The following ADAMTS17 variants were observed in gnomAD, a reference collection of about 807,000 sequenced individuals.
The protein encoded by ADAMTS17 is A disintegrin and metalloproteinase with thrombospondin motifs 17.
ADAMTS17 carries 113 observed loss-of-function variants against 141.5 expected under a neutral mutation model. That is an observed-to-expected ratio of 0.80 (90% CI 0.69 to 0.93). ADAMTS17 has a LOEUF of 0.93. Among genes scored for constraint, ADAMTS17 ranks in the 40% least tolerant of loss-of-function variants. ADAMTS17 has a pLI of 0.00. For synonymous variants in ADAMTS17, 768 were observed against 630.6 expected (o/e 1.22, Z -3.27); for missense variants, 1,659 against 1,517.9 (o/e 1.09, Z -1.54).
intron 16 of ADAMTS17, among the ~76,000 whole-genome samples, chr15:100,052,872 G>T (rs1179395400): frequency 6.6e-6 from 1 of 152,218 alleles, no homozygotes; most frequent in African/African-American, 2.4e-5. Flanking sequence ...CCTTACCTTT[G>T]TCTCCCCAGA....
chr15:100,274,254 C>T (rs942638588), intron 4 of ADAMTS17, among the ~76,000 whole-genome samples: 1 of 152,172 alleles, frequency 6.6e-6, no homozygotes, highest in Non-Finnish European at 1.5e-5. Flanking sequence ...GTTCTATCTA[C>T]TAATGAGAGT....
At chr15:100,293,896 G>C (rs2044723983) in intron 3 of ADAMTS17, among the ~76,000 whole-genome samples, 1 of 152,192 alleles carries the variant, frequency 6.6e-6, no homozygotes, top group Admixed American at 6.5e-5. Context: ...TAAATGTCCT[G>C]AAATGAAATA....
chr15:99,985,824 C>A (rs921216572), intron 20 of ADAMTS17, among the ~76,000 whole-genome samples: 1 of 152,182 alleles, frequency 6.6e-6, no homozygotes, highest in Admixed American at 6.5e-5. Context: ...AATTCTAAAG[C>A]AACGGCAAAT....
At chr15:100,160,947 TAGTTTA>T (rs974804455) in intron 8 of ADAMTS17, among the ~76,000 whole-genome samples, 6 of 152,354 alleles carry the variant, frequency 3.9e-5, no homozygotes, top group South Asian at 2.1e-4. Context: ...AAACTCATAT[TAGTTTA>T]AGTTTATGTC....
chr15:100,297,868 G>T (rs530604748), intron 3 of ADAMTS17, among the ~76,000 whole-genome samples: 1 of 152,268 alleles, frequency 6.6e-6, no homozygotes, highest in East Asian at 1.9e-4. Flanking sequence ...TAACACTACA[G>T]AGACAGAGAC....
intron 7 of ADAMTS17, among the ~76,000 whole-genome samples, chr15:100,221,090 T>C (rs562534952): frequency 1.3e-5 from 2 of 152,318 alleles, no homozygotes; most frequent in East Asian, 3.9e-4. Context: ...ACTGGGAACA[T>C]GCTTCCTGAT....
chr15:100,091,035 C>G (rs1323160249), intron 15 of ADAMTS17, among the ~76,000 whole-genome samples: 1 of 118,444 alleles, frequency 8.4e-6, no homozygotes, highest in East Asian at 3.9e-4. Flanking sequence ...AAAAGGGTAA[C>G]CAATGAAAAA....
chr15:100,165,877 T>TC (rs2039932228), intron 8 of ADAMTS17, among the ~76,000 whole-genome samples: 1 of 152,142 alleles, frequency 6.6e-6, no homozygotes, highest in Non-Finnish European at 1.5e-5. Flanking sequence ...CAATTCTTTT[T>TC]CCTTTCTCTC....
chr15:100,253,772 T>A (rs1366835591), intron 7 of ADAMTS17, among the ~76,000 whole-genome samples: 1 of 152,054 alleles, frequency 6.6e-6, no homozygotes, highest in East Asian at 1.9e-4. Flanking sequence ...ACTGCTAAGC[T>A]TTCATCTCAT....
chr15:100,078,355 G>A (rs11852259), intron 15 of ADAMTS17, among the ~76,000 whole-genome samples: 23,775 of 152,032 alleles, frequency 0.16, 3,601 homozygotes, highest in African/African-American at 0.4. Context: ...CTAGCTATCT[G>A]TAGCAATCAA....
chr15:100,185,754 C>G (rs1046866136), intron 8 of ADAMTS17, among the ~76,000 whole-genome samples: 3 of 152,212 alleles, frequency 2.0e-5, no homozygotes, highest in Non-Finnish European at 4.4e-5. Context: ...CACATAAAGA[C>G]ACTCAGTCCT....
rs757978096 is a variant in ADAMTS17, at chr15:99,997,507, G to C, written c.2674C>G (p.Leu892Val). 6.2e-7 allele frequency: 1 copy of C among 1,613,692 alleles called. No homozygotes were observed. Among genetic ancestry groups the C allele is most frequent in the Non-Finnish European group, 8.5e-7 (1 of 1,180,020 alleles). The change falls in exon 19 of 22, where the codon CTG (leucine) becomes GTG (valine). Residue 892 changes from leucine to valine, a missense_variant. By Grantham distance (32) the Leu-to-Val change is conservative. Coordinates refer to ENST00000268070, the MANE Select transcript of ADAMTS17 (RefSeq NM_139057.4). This position sits in a 1 kb window ranked among gnomAD's most constrained non-coding sequence, Gnocchi z 4.7. ...GTAGCGACGTGTGTGCCGTTCTGCA[G>C]CTGGTACACGCAGGTCACCTCCCGG... Reference protein sequence around the residue: ...QHREVTCVYQLQNGTHVATRP... With the variant: ...QHREVTCVYQVQNGTHVATRP...
intron 2 of ADAMTS17, among the ~76,000 whole-genome samples, chr15:100,332,345 T>C (rs1438726058): frequency 2.0e-5 from 3 of 152,250 alleles, no homozygotes; most frequent in Non-Finnish European, 4.4e-5. Flanking sequence ...CTGTGCGCGA[T>C]GCGGCCTCGG....
intron 9 of ADAMTS17, among the ~76,000 whole-genome samples, chr15:100,153,002 G>A (rs1174448397): frequency 7.0e-5 from 2 of 28,612 alleles, no homozygotes; most frequent in South Asian, 1.3e-3. Context: ...AGACTCGGGA[G>A]GGGCATAGGA....
Position 100,234,939 on chromosome 15 carries a change from CAA to C in ADAMTS17, c.1075+19195_1075+19196del, listed in dbSNP as rs754963354. Among the ~76,000 whole-genome samples, 4 of 152,248 alleles carry C rather than the reference CAA, an allele frequency of 2.6e-5. No homozygotes were observed. In the South Asian group the frequency reaches 8.3e-4, roughly 32 times the overall value. On this transcript the variant is annotated intron_variant, in intron 7 of 21. Coordinates refer to ENST00000268070, the MANE Select transcript of ADAMTS17 (RefSeq NM_139057.4). ...ATATCTGGAATATTGTGCAACCAAACAAGAGAAAGGCAGTGGGAACATGAGGG... is the reference window on the plus strand; with the variant it reads ...ATATCTGGAATATTGTGCAACCAAACGAGAAAGGCAGTGGGAACATGAGGG...
intron 7 of ADAMTS17, among the ~76,000 whole-genome samples, chr15:100,232,724 A>G (rs904166525): frequency 6.6e-5 from 10 of 152,210 alleles, no homozygotes; most frequent in African/African-American, 2.2e-4. Flanking sequence ...AGCAGGAGTG[A>G]CTTGGCCATT....
chr15:100,004,604 T>C (rs768557477), intron 18 of ADAMTS17, among the ~76,000 whole-genome samples: 6 of 150,132 alleles, frequency 4.0e-5, no homozygotes, highest in Non-Finnish European at 5.9e-5. Flanking sequence ...CTTAAAAGCA[T>C]GATACTGTAA....
intron 18 of ADAMTS17, among the ~76,000 whole-genome samples, chr15:100,014,176 A>G (rs2061243286): frequency 6.6e-6 from 1 of 152,148 alleles, no homozygotes. Flanking sequence ...GTACATAAAG[A>G]TGTTCACAGT....
chr15:100,335,204 C>T (rs896203773), intron 2 of ADAMTS17, among the ~76,000 whole-genome samples: 1 of 152,170 alleles, frequency 6.6e-6, no homozygotes, highest in African/African-American at 2.4e-5. Flanking sequence ...AACGCCGGCT[C>T]AAGGTTGAGA....
Sources: gnomAD v4.1 joint callset for allele counts (sites outside exome capture counted in the v4.1 genomes callset) on GRCh38, gnomAD v4.1.1 for gene constraint, Gnocchi (gnomAD v3.1) non-coding constraint, MANE v1.5 for transcripts, NCBI Gene and HGNC (gene_info 2026-07-23, HGNC 2026-07-21) for gene names.